Variants in SLC20A1 observed in about 807,000 individuals in gnomAD.
SLC20A1 encodes solute carrier family 20 member 1, also known as sodium-dependent phosphate transporter 1.
A neutral mutation model predicts 62.7 loss-of-function variants in SLC20A1; 28 were observed. The ratio of observed to expected loss-of-function variants is 0.45; its 90% CI spans 0.33 to 0.61. SLC20A1 has a LOEUF of 0.61. Among genes scored for constraint, SLC20A1 ranks in the 20% least tolerant of loss-of-function variants. The probability of loss-of-function intolerance (pLI) is 0.02; values close to 1 mark genes in which losing one functional copy is unlikely to be tolerated. For synonymous variants in SLC20A1, 305 were observed against 302.9 expected (o/e 1.01, Z -0.07); for missense variants, 673 against 838.6 (o/e 0.80, Z 2.44).
intron 5 of SLC20A1, 78 bp downstream of exon 5, chr2:112,652,876 T>G: frequency 6.2e-7 from 1 of 1,613,032 alleles, no homozygotes; most frequent in Non-Finnish European, 8.5e-7. Context: ...ATTTACCCCT[T>G]TTTGCTTTAC....
intron 10 of SLC20A1, among the ~76,000 whole-genome samples, chr2:112,661,617 C>T (rs1026797591): frequency 2.6e-5 from 4 of 152,068 alleles, no homozygotes; most frequent in Admixed American, 6.6e-5. Flanking sequence ...GGCACAATCT[C>T]GGCTCATTGC....
intron 4 of SLC20A1, 109 bp downstream of exon 4, chr2:112,647,847 A>G (rs2104640511): frequency 2.4e-6 from 2 of 850,820 alleles, no homozygotes; most frequent in Non-Finnish European, 3.9e-6. Flanking sequence ...CGGCCTTGGA[A>G]AATTTTAAAA....
chr2:112,661,455 C>G (rs893648125), intron 10 of SLC20A1, among the ~76,000 whole-genome samples: 2 of 152,098 alleles, frequency 1.3e-5, no homozygotes, highest in Non-Finnish European at 2.9e-5. Context: ...GGCTACTAAC[C>G]TCTTCCTTTG....
At chr2:112,653,897 A>G (rs1686512545) in intron 5 of SLC20A1, among the ~76,000 whole-genome samples, 2 of 152,072 alleles carry the variant, frequency 1.3e-5, no homozygotes, top group African/African-American at 4.8e-5. Flanking sequence ...GGTTCAAGCA[A>G]TTCTCCTGCT....
At position 112,646,588 on chromosome 2, in the gene SLC20A1, C is replaced by T. The variant is rs1686285410; in HGVS notation, c.-241C>T. 1.1e-5 allele frequency: 2 copies of T among 189,518 alleles called. No individual in the cohort carries two copies. The highest frequency in any genetic ancestry group is 4.7e-5 in the African/African-American group (2 of 42,512). The allele number at this position is 189,518 out of a possible 1,614,324, so 11.7% of individuals were successfully genotyped here. ...GATGAACTTGCGTCCTTTCTCTTCTCCGCCATGGAATTCTGCTCCGTGCTT... is the reference window on the plus strand; with the variant it reads ...GATGAACTTGCGTCCTTTCTCTTCTTCGCCATGGAATTCTGCTCCGTGCTT... On this transcript the variant is annotated 5_prime_UTR_variant, in exon 2 of 11. Transcript: ENST00000272542.
rs1686664810 is a variant in SLC20A1, at chr2:112,658,705, A to G, written c.779-120A>G. 1.8e-5 allele frequency: 20 copies of G among 1,103,478 alleles called. 1 individual carries two copies. The East Asian group carries it at 4.4e-4, about 24-fold the overall frequency. 68.4% of individuals were successfully genotyped at this position (1,103,478 alleles called of 1,614,324 possible). A position where few individuals can be genotyped will look rare whatever the true frequency, so the allele number is the denominator to read the frequency against. On this transcript the variant is annotated intron_variant, in intron 6 of 10. Transcript: ENST00000272542. ...GCAGGAAAAATGTTCCTGAATGTTA[A>G]TTGAAGTTCACATACATTCTTGTTT...
chr2:112,651,405 A>C (rs1574181803), intron 4 of SLC20A1, among the ~76,000 whole-genome samples: 2 of 150,304 alleles, frequency 1.3e-5, no homozygotes, highest in Admixed American at 6.6e-5. Flanking sequence ...CTTTGCTCCC[A>C]ATTTTTTTTT....
chr2:112,652,820 T>C (rs1279041441), intron 5 of SLC20A1, 22 bp downstream of exon 5: 3 of 1,611,796 alleles, frequency 1.9e-6, no homozygotes, highest in Admixed American at 3.3e-5. Context: ...TCAAAATATT[T>C]AAATGTGAAT....
intron 8 of SLC20A1, among the ~76,000 whole-genome samples, chr2:112,660,012 C>T (rs1016014164): frequency 4.6e-5 from 7 of 152,136 alleles, no homozygotes; most frequent in Non-Finnish European, 8.8e-5. Flanking sequence ...GGCTTTTGTC[C>T]ATCAAGATGA....
intron 1 of SLC20A1, among the ~76,000 whole-genome samples, chr2:112,646,338 G>A (rs1686273295): frequency 6.6e-6 from 1 of 151,872 alleles, no homozygotes; most frequent in Non-Finnish European, 1.5e-5. Context: ...CGATTTTCGC[G>A]CGGAGGGCGC....
In SLC20A1 at chr2:112,659,355, G is replaced by A; in HGVS notation, c.1200G>A (p.Val400=). 2.5e-6 allele frequency: 4 copies of A among 1,614,134 alleles called. No homozygotes were observed. Among genetic ancestry groups the A allele is most frequent in the Non-Finnish European group, 3.4e-6 (4 of 1,180,036 alleles). The part of the protein sequence containing the change: ...ELLHKLHLAK[V]GDCMGDSGDK... ...TCCATAAATTACATCTTGCCAAGGT[G>A]GGAGATTGCATGGGAGACTCCGGTG... Residue 400 remains valine, a synonymous_variant, in exon 8 of 11, where the codon GTG becomes GTA. Transcript: ENST00000272542.
intron 6 of SLC20A1, chr2:112,658,498 C>A: frequency 5.0e-6 from 1 of 198,912 alleles, no homozygotes; most frequent in Admixed American, 5.6e-5. Flanking sequence ...AATGAGTCAG[C>A]AGGGAGCTAA....
At chr2:112,662,409 A>C (rs1339086311) in intron 10 of SLC20A1, among the ~76,000 whole-genome samples, 1 of 151,934 alleles carries the variant, frequency 6.6e-6, no homozygotes, top group Non-Finnish European at 1.5e-5. Context: ...GTGAAACCCC[A>C]TCTCTACTAA....
At chr2:112,651,280 A>G (rs1686426914) in intron 4 of SLC20A1, among the ~76,000 whole-genome samples, 1 of 152,120 alleles carries the variant, frequency 6.6e-6, no homozygotes, top group African/African-American at 2.4e-5. Flanking sequence ...GTAGGGTTTT[A>G]CTTTCTGTTT....
rs773419021 is a variant in SLC20A1, at chr2:112,647,415, C to T, written c.426C>T (p.Leu142=). 6.2e-7 allele frequency: 1 copy of T among 1,614,080 alleles called. No homozygotes were observed. The highest frequency in any genetic ancestry group is 1.1e-5 in the South Asian group (1 of 91,072). ...CIVGATIGFS[L]VAKGQEGVKW... ...TTGGTGCAACTATTGGTTTCTCCCT[C>T]GTGGCAAAGGGGCAGGAGGGTGTCA... Residue 142 remains leucine (L), a synonymous_variant, in exon 3 of 11, where the codon CTC becomes CTT. Coordinates refer to ENST00000272542, the MANE Select transcript of SLC20A1 (RefSeq NM_005415.5).
intron 10 of SLC20A1, among the ~76,000 whole-genome samples, chr2:112,662,232 A>T (rs914906078): frequency 6.6e-6 from 1 of 152,200 alleles, no homozygotes; most frequent in East Asian, 1.9e-4. Flanking sequence ...ATTAGGTTTA[A>T]TATCAGCCAC....
chr2:112,659,686 G>T lies in SLC20A1; in HGVS notation c.1531G>T (p.Val511Phe), dbSNP rs2104650245. The change falls in exon 8 of 11, where the codon GTC becomes TTC. Residue 511 changes from valine to phenylalanine, a missense_variant. Physicochemically the swap from Val to Phe is conservative, Grantham distance 50. Transcript: ENST00000272542. ...ATGGTATGACCAGGATAAGCCTGAAGTCTCTCTCCTCTTCCAGTTCCTGCA... is the reference window on the plus strand; with the variant it reads ...ATGGTATGACCAGGATAAGCCTGAATTCTCTCTCCTCTTCCAGTTCCTGCA... ...EEWYDQDKPE[V>F]SLLFQFLQIL... 1 of 1,614,216 alleles carries T rather than the reference G, an allele frequency of 6.2e-7. No homozygotes were observed. Among genetic ancestry groups the T allele is most frequent in the African/African-American group, 1.3e-5 (1 of 75,060 alleles).
chr2:112,656,965 G>A (rs1202793796), intron 5 of SLC20A1, 157 bp from the exon 6 acceptor site: 1 of 857,066 alleles, frequency 1.2e-6, no homozygotes, highest in East Asian at 2.5e-5. Flanking sequence ...ATTTGTATAG[G>A]CACTAGCACA....
intron 5 of SLC20A1, among the ~76,000 whole-genome samples, chr2:112,653,990 C>T (rs575064593): frequency 6.6e-6 from 1 of 152,032 alleles, no homozygotes; most frequent in African/African-American, 2.4e-5. Context: ...CGGGGTTTCT[C>T]CATGTTGGTC....
Sources: allele counts gnomAD v4.1 joint callset (sites outside exome capture counted in the v4.1 genomes callset), GRCh38; gene constraint gnomAD v4.1.1; transcripts MANE v1.5; gene names NCBI Gene and HGNC (gene_info 2026-07-23, HGNC 2026-07-21).